Variants in DCLK1 observed in about 807,000 individuals in gnomAD.
DCLK1 encodes the protein serine/threonine-protein kinase DCLK1.
In DCLK1, 16 loss-of-function variants were observed where a neutral mutation model predicts 86.2. The ratio of observed to expected loss-of-function variants is 0.19; its 90% CI spans 0.13 to 0.28. The LOEUF is 0.28. Among genes scored for constraint, DCLK1 ranks in the 10% least tolerant of loss-of-function variants. DCLK1 has a pLI of 1.00. For missense variants in DCLK1, 590 were observed against 940.2 expected (o/e 0.63, Z 4.87); for synonymous variants, 369 against 370.5 (o/e 1.00, Z 0.05).
chr13:35,818,339 G>A (rs2087315568), intron 11 of DCLK1, among the ~76,000 whole-genome samples: 1 of 152,172 alleles, frequency 6.6e-6, no homozygotes, highest in Non-Finnish European at 1.5e-5. Flanking sequence ...GGAAGAGCTG[G>A]AGCACAACCT....
intron 4 of DCLK1, among the ~76,000 whole-genome samples, chr13:35,878,105 G>A (rs1872687801): frequency 6.6e-6 from 1 of 152,112 alleles, no homozygotes; most frequent in East Asian, 1.9e-4. Context: ...CCCAGTGCCT[G>A]GGAGATTCAC....
At chr13:35,966,837 G>A (rs1164235606) in intron 3 of DCLK1, among the ~76,000 whole-genome samples, 3 of 151,946 alleles carry the variant, frequency 2.0e-5, no homozygotes, top group Non-Finnish European at 4.4e-5. Context: ...GTGCAGTGGC[G>A]TGATCTCCGC....
intron 3 of DCLK1, among the ~76,000 whole-genome samples, chr13:36,052,847 T>C (rs1177278261): frequency 6.6e-6 from 1 of 152,134 alleles, no homozygotes; most frequent in Non-Finnish European, 1.5e-5. Flanking sequence ...TATGAACCCC[T>C]AGACAAACCA....
chr13:35,926,121 C>T (rs983191933), intron 4 of DCLK1, among the ~76,000 whole-genome samples: 7 of 151,712 alleles, frequency 4.6e-5, no homozygotes, highest in South Asian at 2.1e-4. Flanking sequence ...TGCAGTGGCA[C>T]GATCTTGGCT....
At chr13:36,055,411 G>A (rs188914407) in intron 3 of DCLK1, among the ~76,000 whole-genome samples, 65 of 152,162 alleles carry the variant, frequency 4.3e-4, no homozygotes, top group African/African-American at 1.5e-3. Context: ...GAACTGTCTC[G>A]TGCTGACTAT....
Position 35,769,471 on chromosome 13 carries a change from CAAA to C in DCLK1, c.*5061_*5063del, listed in dbSNP as rs1174204537. 2.6e-5 allele frequency: 4 copies of C among 151,994 alleles called. No individual in the cohort carries two copies. The highest frequency in any genetic ancestry group is 5.9e-5 in the Non-Finnish European group (4 of 67,986). 9.4% of individuals were successfully genotyped at this position (151,994 alleles called of 1,614,324 possible). A position where few individuals can be genotyped will look rare whatever the true frequency, so the allele number is the denominator to read the frequency against. ...TTAATTTCCTAATAAAATTTTTTTT[CAAA>C]AGTTATCGAGGATATGACTATAACC... On this transcript the variant is annotated 3_prime_UTR_variant, in exon 17 of 17. Transcript: ENST00000360631.
At chr13:35,964,387 C>G (rs1878620984) in intron 3 of DCLK1, among the ~76,000 whole-genome samples, 1 of 152,146 alleles carries the variant, frequency 6.6e-6, no homozygotes, top group Admixed American at 6.5e-5. Flanking sequence ...AGGAAATGAA[C>G]ATGCAAATTG....
Position 36,001,985 on chromosome 13 carries a change from T to C in DCLK1, c.724-54528A>G, listed in dbSNP as rs114904217. Among the ~76,000 whole-genome samples the C allele has an allele frequency of 5.3e-3, 806 of 152,106 alleles. 10 individuals carry two copies. Among genetic ancestry groups the C allele is most frequent in the African/African-American group, 0.018 (729 of 41,426 alleles). ...AAAGAACTGTTTTTAGCTTGGATTA[T>C]CTACCTTATCCCCTTTTAGGAGGAT... On this transcript the variant is annotated intron_variant, in intron 3 of 16. Coordinates refer to ENST00000360631, the MANE Select transcript of DCLK1 (RefSeq NM_001330071.2).
At chr13:35,878,170 T>C (rs1872690812) in intron 4 of DCLK1, among the ~76,000 whole-genome samples, 1 of 152,196 alleles carries the variant, frequency 6.6e-6, no homozygotes, top group African/African-American at 2.4e-5. Context: ...CTCCAGCTTG[T>C]CTGCCTGGTT....
At position 35,999,041 on chromosome 13, in the gene DCLK1, AG is replaced by A. The variant is rs538414278; in HGVS notation, c.724-51585del. On this transcript the variant is annotated intron_variant, in intron 3 of 16. Coordinates refer to ENST00000360631, the MANE Select transcript of DCLK1 (RefSeq NM_001330071.2). ...AGGCCACTGAAGGCAGATCACCTGA[AG>A]TCAGGAGTTCGAGACCAGCCTGGCC... Among the ~76,000 whole-genome samples, 9 of 152,204 alleles carry A rather than the reference AG, an allele frequency of 5.9e-5. No homozygotes were observed. The East Asian group carries it at 1.7e-3, about 29-fold the overall frequency.
At chr13:36,024,372 G>A (rs888213357) in intron 3 of DCLK1, among the ~76,000 whole-genome samples, 3 of 152,076 alleles carry the variant, frequency 2.0e-5, no homozygotes, top group Admixed American at 1.3e-4. Flanking sequence ...TAGAATAAAC[G>A]AGTTCCTTTA....
chr13:36,039,402 C>G (rs969004613), intron 3 of DCLK1, among the ~76,000 whole-genome samples: 1 of 152,132 alleles, frequency 6.6e-6, no homozygotes, highest in African/African-American at 2.4e-5. Context: ...TTCACTCTTC[C>G]AAAAGGTAGC....
At chr13:35,844,400 C>A (rs1158063774) in intron 6 of DCLK1, among the ~76,000 whole-genome samples, 1 of 152,158 alleles carries the variant, frequency 6.6e-6, no homozygotes, top group Non-Finnish European at 1.5e-5. Flanking sequence ...TAGATCTGTA[C>A]TGTTTGTTGT....
intron 3 of DCLK1, among the ~76,000 whole-genome samples, chr13:35,986,313 A>C (rs948762875): frequency 6.7e-6 from 1 of 150,270 alleles, no homozygotes. Flanking sequence ...AAAAAAAAAA[A>C]AAAAAAAAAA....
chr13:35,811,467 T>G (rs1292654234), intron 11 of DCLK1, among the ~76,000 whole-genome samples: 1 of 152,222 alleles, frequency 6.6e-6, no homozygotes, highest in Non-Finnish European at 1.5e-5. Flanking sequence ...CTGATTTGCA[T>G]AATAAAATGA....
At chr13:35,887,367 G>A (rs974426483) in intron 4 of DCLK1, among the ~76,000 whole-genome samples, 1 of 152,154 alleles carries the variant, frequency 6.6e-6, no homozygotes, top group African/African-American at 2.4e-5. Context: ...AGTACAAGGT[G>A]GAACCCCTTA....
chr13:35,847,452 C>A lies in DCLK1; in HGVS notation c.1035+7047G>T, dbSNP rs1251426415. Reference sequence around the variant, plus strand: ...GAAGCATACCCACATACACACCAAGCCTGGCAAATTTACATAAACACCCAA... The same window carrying A: ...GAAGCATACCCACATACACACCAAGACTGGCAAATTTACATAAACACCCAA... On this transcript the variant is annotated intron_variant, in intron 6 of 16. Coordinates refer to ENST00000360631, the MANE Select transcript of DCLK1 (RefSeq NM_001330071.2). The A allele has an allele frequency of 7.1e-6, 7 of 984,834 alleles. No individual in the cohort carries two copies. The African/African-American group carries it at 1.1e-4, about 15-fold the overall frequency. 61.0% of individuals were successfully genotyped at this position (984,834 alleles called of 1,614,324 possible).
intron 3 of DCLK1, among the ~76,000 whole-genome samples, chr13:35,999,008 A>G (rs1236825573): frequency 2.0e-5 from 3 of 152,160 alleles, no homozygotes; most frequent in African/African-American, 7.2e-5. Context: ...TAATCCCAGC[A>G]CTTTGGGAGG....
intron 3 of DCLK1, among the ~76,000 whole-genome samples, chr13:35,999,807 G>A (rs61948275): frequency 0.36 from 54,906 of 152,062 alleles, 11,060 homozygotes; most frequent in Non-Finnish European, 0.44. Context: ...AGATGGTCTG[G>A]AAGGATGATG....
Sources: allele counts gnomAD v4.1 joint callset (sites outside exome capture counted in the v4.1 genomes callset), GRCh38; gene constraint gnomAD v4.1.1; transcripts MANE v1.5; gene names NCBI Gene and HGNC (gene_info 2026-07-23, HGNC 2026-07-21).